The following PHACTR2 variants were observed in gnomAD, a reference collection of about 807,000 sequenced individuals.
PHACTR2 encodes the protein chromosome 6 open reading frame 56.
A neutral mutation model predicts 76.0 loss-of-function variants in PHACTR2; 30 were observed. The ratio of observed to expected loss-of-function variants is 0.39; its 90% CI spans 0.30 to 0.54. The LOEUF (loss-of-function observed/expected upper bound fraction) is 0.54, where lower values mean the gene tolerates loss of function less well. Among genes scored for constraint, PHACTR2 ranks in the 20% least tolerant of loss-of-function variants. The pLI is 0.61. For missense variants in PHACTR2, 696 were observed against 781.1 expected, an observed-to-expected ratio of 0.89 and a Z score of 1.30; for synonymous variants, 292 against 292.5, an observed-to-expected ratio of 1.00 and a Z score of 0.02.
At position 143,550,143 on chromosome 6, in the gene PHACTR2, A is replaced by G. The variant is rs2128427285; in HGVS notation, c.217+12936A>G. On this transcript the variant is annotated intron_variant, in intron 1 of 11. Coordinates refer to the PHACTR2 transcript ENST00000367584. This position sits in a 1 kb window ranked among gnomAD's most constrained non-coding sequence, Gnocchi z 4.8. Reference sequence around the variant, plus strand: ...AGTAGATGACAGAGTCGTATTATCTAATGTAGCATTTCTCATATCTAATGT... The same window carrying G: ...AGTAGATGACAGAGTCGTATTATCTGATGTAGCATTTCTCATATCTAATGT... 6.6e-6 allele frequency among the ~76,000 whole-genome samples: 1 copy of G among 152,008 alleles called. No individual in the cohort carries two copies. Among genetic ancestry groups the G allele is most frequent in the East Asian group, 1.9e-4 (1 of 5,196 alleles).
In PHACTR2 at chr6:143,816,025, C is replaced by A. The variant is rs948267247; in HGVS notation, c.1923-7649C>A. Among the ~76,000 whole-genome samples, 4 of 151,836 alleles carry A rather than the reference C, an allele frequency of 2.6e-5. No homozygotes were observed. Among genetic ancestry groups the A allele is most frequent in the African/African-American group, 4.8e-5 (2 of 41,318 alleles). ...CTTAAAAATAGCTTTTCCCCCATTC[C>A]CTCCCTCTCAACAGTATGAAAATAA... is the stretch of plus-strand genomic sequence containing the variant. On this transcript the variant is annotated intron_variant, in intron 12 of 12. Coordinates refer to ENST00000440869, the MANE Select transcript of PHACTR2 (RefSeq NM_001100164.2). This position sits in a 1 kb window ranked among gnomAD's most constrained non-coding sequence, Gnocchi z 4.5.
At chr6:143,724,280 C>T (rs576214068) in intron 2 of PHACTR2, among the ~76,000 whole-genome samples, 23 of 152,094 alleles carry the variant, frequency 1.5e-4, no homozygotes, top group African/African-American at 5.1e-4. Flanking sequence ...CACAGGTTCC[C>T]GCCACCACGC....
chr6:143,613,488 C>A, intron 1 of PHACTR2, among the ~76,000 whole-genome samples: 1 of 152,154 alleles, frequency 6.6e-6, no homozygotes, highest in Non-Finnish European at 1.5e-5. Flanking sequence ...GTGACTGTGA[C>A]CTCCTGCGAG....
rs1321199910 is a variant in PHACTR2, at chr6:143,553,821, C to T, written c.217+16614C>T. Among the ~76,000 whole-genome samples the T allele has an allele frequency of 6.6e-6, 1 of 152,100 alleles. No homozygotes were observed. The highest frequency in any genetic ancestry group is 2.4e-5 in the African/African-American group (1 of 41,426). The stretch of plus-strand genomic sequence containing the variant: ...TACAAAGCAGAGGAAGGGTATAGGT[C>T]GTGCCGGGGTGAAGGTGTGCAGATT... On this transcript the variant is annotated intron_variant, in intron 1 of 11. Transcript: ENST00000367584. This position sits in a 1 kb window ranked among gnomAD's most constrained non-coding sequence, Gnocchi z 4.2.
In PHACTR2 at chr6:143,812,062, C is replaced by T. The variant is rs538947134; in HGVS notation, c.1922+4929C>T. 5.9e-5 allele frequency among the ~76,000 whole-genome samples: 9 copies of T among 152,236 alleles called. 1 individual carries two copies. In the South Asian group the frequency reaches 1.9e-3, roughly 32 times the overall value. On this transcript the variant is annotated intron_variant, in intron 12 of 12. Transcript: ENST00000440869. ...CTTCAAAACCTCAATCTGTGAACTC[C>T]TTGCAGATTTGGGGTGGTTAATAAA...
intron 1 of PHACTR2, among the ~76,000 whole-genome samples, chr6:143,564,610 T>C (rs867408854): frequency 6.6e-6 from 1 of 152,286 alleles, no homozygotes; most frequent in Middle Eastern, 3.4e-3. Context: ...GTGTGGGATA[T>C]GAAGCATGTC....
chr6:143,536,896 G>C lies in PHACTR2; in HGVS notation c.-95G>C, dbSNP rs1428266842. On this transcript the variant is annotated 5_prime_UTR_variant, in exon 1 of 12. Transcript: ENST00000367584. The surrounding 1 kb of genome is among the most constrained non-coding windows in gnomAD (Gnocchi z 5.4). ...CCTCCCCGCCCTTCTCGCTGCCTCC[G>C]GGTCGCGGCGCGCGGGGCAGAGCCG... 6.6e-6 allele frequency: 1 copy of C among 152,520 alleles called. No individual in the cohort carries two copies. Among genetic ancestry groups the C allele is most frequent in the Non-Finnish European group, 1.5e-5 (1 of 68,556 alleles). 9.4% of individuals were successfully genotyped at this position (152,520 alleles called of 1,614,324 possible). A position where few individuals can be genotyped will look rare whatever the true frequency, so the allele number is the denominator to read the frequency against.
At chr6:143,608,021 A>T (rs1038905015), upstream of PHACTR2, among the ~76,000 whole-genome samples, 1 of 152,008 alleles carries the variant, frequency 6.6e-6, no homozygotes, top group Non-Finnish European at 1.5e-5. This position sits in a 1 kb window ranked among gnomAD's most constrained non-coding sequence, Gnocchi z 4.6. Flanking sequence ...CATTGCAGTG[A>T]TTTTTTTCCC....
chr6:143,655,150 T>G (rs1167605182), intron 1 of PHACTR2, among the ~76,000 whole-genome samples: 1 of 100,716 alleles, frequency 9.9e-6, no homozygotes, highest in African/African-American at 4.1e-5. Flanking sequence ...AGAGTGAAAC[T>G]CCGTCTCAAA....
chr6:143,538,552 A>G (rs1196999441), intron 1 of PHACTR2, among the ~76,000 whole-genome samples: 1 of 152,182 alleles, frequency 6.6e-6, no homozygotes, highest in Non-Finnish European at 1.5e-5. Flanking sequence ...CGGGGCGTGA[A>G]CGTGCACTGT....
rs191547457 is a variant in PHACTR2 at position 143,762,631 on chromosome 6, G to A, written c.694+1991G>A. Among the ~76,000 whole-genome samples the A allele has an allele frequency of 1.5e-4, 23 of 152,218 alleles. 1 individual carries two copies. Among genetic ancestry groups the A allele is most frequent in the Admixed American group, 1.3e-3 (20 of 15,300 alleles). On this transcript the variant is annotated intron_variant, in intron 5 of 12. Coordinates refer to ENST00000440869, the MANE Select transcript of PHACTR2 (RefSeq NM_001100164.2). ...AACTTTGTTTTATTTGAATAATATGGACCTTCTAGAAAAGTTTGTTCAAAT... is the reference window on the plus strand; with the variant it reads ...AACTTTGTTTTATTTGAATAATATGAACCTTCTAGAAAAGTTTGTTCAAAT...
At chr6:143,714,763 T>A (rs1014343906) in intron 2 of PHACTR2, among the ~76,000 whole-genome samples, 1 of 152,200 alleles carries the variant, frequency 6.6e-6, no homozygotes, top group Non-Finnish European at 1.5e-5. Context: ...AGGTCCCACG[T>A]AAGCTCTAGG....
intron 1 of PHACTR2, among the ~76,000 whole-genome samples, chr6:143,552,742 A>G (rs1775109733): frequency 6.6e-6 from 1 of 152,096 alleles, no homozygotes; most frequent in Non-Finnish European, 1.5e-5. Context: ...TGTCTCTACT[A>G]AAAATACAAA....
intron 2 of PHACTR2, among the ~76,000 whole-genome samples, chr6:143,717,048 C>G (rs7769992): frequency 6.6e-6 from 1 of 152,048 alleles, no homozygotes; most frequent in Admixed American, 6.5e-5. Context: ...TTCAGTGAAA[C>G]CCAGACTCCT....
intron 1 of PHACTR2, among the ~76,000 whole-genome samples, chr6:143,665,015 G>A (rs1777009358): frequency 6.6e-6 from 1 of 151,912 alleles, no homozygotes; most frequent in Admixed American, 6.6e-5. Flanking sequence ...GGCCAAGCTG[G>A]TCTGAACTCC....
intron 2 of PHACTR2, among the ~76,000 whole-genome samples, chr6:143,741,098 A>G (rs984910113): frequency 2.5e-4 from 37 of 149,756 alleles, no homozygotes; most frequent in Admixed American, 1.1e-3. Context: ...AAATGCAAAA[A>G]TTAGCCGGGC....
At chr6:143,574,852 ACT>A (rs1254044368) in intron 1 of PHACTR2, among the ~76,000 whole-genome samples, 3 of 152,148 alleles carry the variant, frequency 2.0e-5, no homozygotes, top group Non-Finnish European at 4.4e-5. Flanking sequence ...TTTTTTAAAA[ACT>A]AAAGGCGTGG....
In PHACTR2 at chr6:143,826,043, C is replaced by T. The variant is rs535883185; in HGVS notation, c.*2354C>T. ...TAGAAAAAATTTTCTAAGTTAGAGA[C>T]AAGTTTAAAAGTAAAAAAAAAAAAA... On this transcript the variant is annotated 3_prime_UTR_variant, in exon 13 of 13. Transcript: ENST00000440869. 1 of 146,826 alleles carries T rather than the reference C, an allele frequency of 6.8e-6. No homozygotes were observed. Among genetic ancestry groups the T allele is most frequent in the Non-Finnish European group, 1.5e-5 (1 of 66,864 alleles). 9.1% of individuals were successfully genotyped at this position (146,826 alleles called of 1,614,324 possible). A position where few individuals can be genotyped will look rare whatever the true frequency, so the allele number is the denominator to read the frequency against.
In PHACTR2 at chr6:143,788,857, G is replaced by A; in HGVS notation, c.1792G>A (p.Asp598Asn). ...GTATGTAGAAGTCACGGATTCTCCT[G>A]ACTATGACCGCCGAGCAGACAAGCC... is the stretch of plus-strand genomic sequence containing the variant. ...NEYVEVTDSP[D>N]YDRRADKPWA... The change falls in exon 11 of 13, where the codon GAC becomes AAC. Residue 598 changes from aspartate to asparagine, a missense_variant. Physicochemically the swap from Asp to Asn is conservative, Grantham distance 23 (BLOSUM62 1). Coordinates refer to ENST00000440869, the MANE Select transcript of PHACTR2 (RefSeq NM_001100164.2). The A allele has an allele frequency of 3.1e-6, 5 of 1,613,816 alleles. No individual in the cohort carries two copies. Among genetic ancestry groups the A allele is most frequent in the Non-Finnish European group, 4.2e-6 (5 of 1,179,754 alleles).
Sources: gnomAD v4.1 joint callset for allele counts (sites outside exome capture counted in the v4.1 genomes callset) on GRCh38, gnomAD v4.1.1 for gene constraint, Gnocchi (gnomAD v3.1) non-coding constraint, MANE v1.5 for transcripts, NCBI Gene and HGNC (gene_info 2026-07-23, HGNC 2026-07-21) for gene names.